The following LAMA5 variants were observed in gnomAD, a reference collection of about 807,000 sequenced individuals.
The protein encoded by LAMA5 is laminin subunit alpha-5.
In LAMA5, 260 loss-of-function variants were observed where a neutral mutation model predicts 433.4. The observed-to-expected ratio is 0.60, with a 90% CI of 0.54 to 0.66. The LOEUF is 0.66. LAMA5 is among the 30% of genes least tolerant of loss of function. LAMA5 has a pLI of 0.00. For missense variants in LAMA5, 5,378 were observed against 5,258.5 expected, an observed-to-expected ratio of 1.02 and a Z score of -0.70; for synonymous variants, 2,620 against 2,226.6, an observed-to-expected ratio of 1.18 and a Z score of -4.97.
intron 26 of LAMA5, 135 bp downstream of exon 26, chr20:62,332,955 C>CAGGAGGCAGGAGGCAGGAGGCAGGGGT: frequency 1.0e-5 from 1 of 96,590 alleles, no homozygotes; most frequent in Non-Finnish European, 1.7e-5. Flanking sequence ...GAGGCAGGGG[C>CAGGAGGCAGGAGGCAGGAGGCAGGGGT]GCCCTGCCTG....
At chr20:62,312,611 C>A in intron 67 of LAMA5, 21 bp downstream of exon 67, 1 of 1,602,160 alleles carries the variant, frequency 6.2e-7, no homozygotes, top group East Asian at 2.3e-5. Context: ...CCTCGGAGCC[C>A]CAGCTGCGCA....
intron 38 of LAMA5, 76 bp downstream of exon 38, chr20:62,327,157 C>A: frequency 7.3e-7 from 1 of 1,376,218 alleles, no homozygotes; most frequent in East Asian, 2.5e-5. Flanking sequence ...GGACAGACCC[C>A]GCTCCTGGCT....
At chr20:62,346,863 CAT>C in intron 7 of LAMA5, 48 bp downstream of exon 7, 1 of 1,605,644 alleles carries the variant, frequency 6.2e-7, no homozygotes, top group Non-Finnish European at 8.5e-7. Context: ...GGGGCCCTCT[CAT>C]GGGCCAGGGT....
intron 69 of LAMA5, 31 bp from the exon 70 acceptor site, chr20:62,312,081 C>G (rs113048093): frequency 6.2e-7 from 1 of 1,609,696 alleles, no homozygotes; most frequent in African/African-American, 1.3e-5. Context: ...AGCCGGCCGG[C>G]CTGGGGACCC....
chr20:62,317,319 G>A (rs1242497255), intron 55 of LAMA5, 26 bp downstream of exon 55: 2 of 1,586,494 alleles, frequency 1.3e-6, no homozygotes, highest in Non-Finnish European at 1.7e-6. Flanking sequence ...GGTGGGCCCA[G>A]GGCCCCTCCT....
At chr20:62,334,662 C>A in intron 20 of LAMA5, 41 bp from the exon 21 acceptor site, 1 of 1,507,332 alleles carries the variant, frequency 6.6e-7, no homozygotes, top group Non-Finnish European at 8.9e-7. Flanking sequence ...GCCTGGCCCC[C>A]ACCCAGCCTC....
At chr20:62,341,826 C>CAAAAAAAAAAAAAAAAAAAAAAAAA (rs11466846) in intron 11 of LAMA5, among the ~76,000 whole-genome samples, 3 of 128,156 alleles carry the variant, frequency 2.3e-5, no homozygotes, top group African/African-American at 7.5e-5. Flanking sequence ...TCTGATCAAC[C>CAAAAAAAAAAAAAAAAAAAAAAAAA]AAAAAAAAAA....
intron 30 of LAMA5, 32 bp from the exon 31 acceptor site, chr20:62,330,646 G>A: frequency 1.9e-6 from 3 of 1,577,574 alleles, no homozygotes; most frequent in Non-Finnish European, 2.6e-6. Flanking sequence ...AGCAGGCTGA[G>A]CTATGAGCCC....
In LAMA5 at chr20:62,367,081, G is replaced by A; in HGVS notation, c.165C>T (p.Gly55=). Residue 55 remains glycine, a synonymous_variant, in exon 1 of 80, where the codon GGC becomes GGT. Transcript: ENST00000252999. ...AGGTCGCGGAGGCGGCGATGCGGGC[G>A]CCCTCGGCCAGGTTGAAGTAGGGCG... ...LHPPYFNLAE[G]ARIAASATCG... is the part of the protein sequence containing the mutation. The A allele has an allele frequency of 7.9e-7, 1 of 1,260,738 alleles. No individual in the cohort carries two copies. Among genetic ancestry groups the A allele is most frequent in the South Asian group, 3.1e-5 (1 of 32,072 alleles). 78.1% of individuals were successfully genotyped at this position (1,260,738 alleles called of 1,614,324 possible).
intron 2 of LAMA5, among the ~76,000 whole-genome samples, chr20:62,357,098 T>C (rs1985350397): frequency 6.6e-6 from 1 of 152,062 alleles, no homozygotes; most frequent in Non-Finnish European, 1.5e-5. Flanking sequence ...GGGTGGGCTG[T>C]GGCTGGAACC....
chr20:62,322,039 C>G lies in LAMA5; in HGVS notation c.6476G>C (p.Gly2159Ala), dbSNP rs139412622. ...HQVPVPGGPV[G>A]HSIHCEVCDH... The stretch of plus-strand genomic sequence containing the variant: ...CACACCTTCACAGTGGATGCTGTGG[C>G]CCACAGGCCCGCCTGGAACAGGCAC... Residue 2159 changes from glycine (G) to alanine (A), a missense_variant, in exon 48 of 80, where the codon GGC becomes GCC. Coordinates refer to ENST00000252999, the MANE Select transcript of LAMA5 (RefSeq NM_005560.6). 1.2e-4 allele frequency: 184 copies of G among 1,599,018 alleles called. 1 individual carries two copies. In the African/African-American group the frequency reaches 2.2e-3, roughly 19 times the overall value.
At position 62,346,505 on chromosome 20, in the gene LAMA5, C is replaced by A; in HGVS notation, c.1282+1G>T. ...ACACCCGCCCAGCTGAGCCCACTCA[C>A]GGCGGCAGACGTGGGGCGAGTCGAG... On this transcript the variant is annotated splice_donor_variant, in intron 9 of 79. Coordinates refer to ENST00000252999, the MANE Select transcript of LAMA5 (RefSeq NM_005560.6). LOFTEE classifies it high-confidence loss of function. 2 of 1,550,672 alleles carry A rather than the reference C, an allele frequency of 1.3e-6. No homozygotes were observed. The highest frequency in any genetic ancestry group is 2.7e-5 in the African/African-American group (2 of 73,182).
Position 62,328,992 on chromosome 20 carries a change from G to A in LAMA5, c.4299C>T (p.Asn1433=), listed in dbSNP as rs576766054. The A allele has an allele frequency of 9.3e-6, 15 of 1,612,654 alleles. No individual in the cohort carries two copies. Among genetic ancestry groups the A allele is most frequent in the East Asian group, 2.2e-5 (1 of 44,866 alleles). ...CGTGGCAGCCACATGGACGGGCTCC[G>A]TTGTTATAGAAGAGGGAGAGGGAAG... The part of the protein sequence containing the change: ...AAASLSLFYN[N]GARPCGCHEV... Residue 1433 remains asparagine (N), a synonymous_variant, in exon 34 of 80, where the codon AAC becomes AAT. Coordinates refer to ENST00000252999, the MANE Select transcript of LAMA5 (RefSeq NM_005560.6).
chr20:62,332,946 A>AT, intron 26 of LAMA5, 144 bp downstream of exon 26: 1 of 1,106,606 alleles, frequency 9.0e-7, no homozygotes, highest in Non-Finnish European at 1.3e-6. Flanking sequence ...AGGAGGCAGG[A>AT]GGCAGGGGCG....
At chr20:62,338,708 C>T (rs2146240818) in intron 11 of LAMA5, 100 bp from the exon 12 acceptor site, 5 of 1,197,940 alleles carry the variant, frequency 4.2e-6, no homozygotes, top group Non-Finnish European at 4.6e-6. Context: ...TTTTCTTACA[C>T]TTTTACACAA....
chr20:62,338,180 C>G (rs769333030), intron 13 of LAMA5, 30 bp from the exon 14 acceptor site: 1 of 1,568,560 alleles, frequency 6.4e-7, no homozygotes, highest in Non-Finnish European at 8.7e-7. Flanking sequence ...TCACGGTAGG[C>G]CAGGCCCACG....
Position 62,346,172 on chromosome 20 carries a change from G to A in LAMA5, c.1326C>T (p.Asp442=). The change falls in exon 10 of 80, where the codon GAC becomes GAT. Residue 442 remains aspartate (D), a synonymous_variant. Transcript: ENST00000252999. The part of the protein sequence containing the change: ...ESDFTDGTCE[D]LTGRCYCRPN... Reference sequence around the variant, plus strand: ...GCCGGCAGTAGCATCGACCCGTCAGGTCCTCGCAGGTGCCATCCGTGAAGT... The same window carrying A: ...GCCGGCAGTAGCATCGACCCGTCAGATCCTCGCAGGTGCCATCCGTGAAGT... 2 of 1,612,848 alleles carry A rather than the reference G, an allele frequency of 1.2e-6. No homozygotes were observed. Among genetic ancestry groups the A allele is most frequent in the Non-Finnish European group, 1.7e-6 (2 of 1,179,904 alleles).
intron 2 of LAMA5, among the ~76,000 whole-genome samples, chr20:62,361,326 C>T (rs1323893881): frequency 6.6e-6 from 1 of 152,200 alleles, no homozygotes; most frequent in Non-Finnish European, 1.5e-5. Flanking sequence ...CAGCTCCCCG[C>T]CCTTCTCCAC....
In LAMA5 at chr20:62,353,163, C is replaced by A; in HGVS notation, c.539G>T (p.Arg180Leu). The A allele has an allele frequency of 1.3e-6, 2 of 1,577,672 alleles. No individual in the cohort carries two copies. Among genetic ancestry groups the A allele is most frequent in the Middle Eastern group, 1.7e-4 (1 of 6,018 alleles). Residue 180 changes from arginine to leucine, a missense_variant, in exon 3 of 80, where the codon CGC becomes CTC. Transcript: ENST00000252999. ...WVLERSMDFG[R>L]TYQPWQFFAS... Reference sequence around the variant, plus strand: ...AAAGAACTGCCAGGGCTGGTAGGTGCGGCCGAAGTCCATGGACCGCTCCAG... The same window carrying A: ...AAAGAACTGCCAGGGCTGGTAGGTGAGGCCGAAGTCCATGGACCGCTCCAG...
Sources: allele counts gnomAD v4.1 joint callset (sites outside exome capture counted in the v4.1 genomes callset), GRCh38; gene constraint gnomAD v4.1.1; transcripts MANE v1.5; gene names NCBI Gene and HGNC (gene_info 2026-07-23, HGNC 2026-07-21).